PDE4B: variants seen among roughly 807,000 people sequenced by gnomAD.
PDE4B encodes the protein phosphodiesterase 4B.
Under a neutral mutation model 82.2 loss-of-function variants are expected in PDE4B, and 20 were observed. The observed-to-expected ratio is 0.24, with a 90% CI of 0.17 to 0.35. The LOEUF is 0.35. Among genes scored for constraint, PDE4B ranks in the 10% least tolerant of loss-of-function variants. PDE4B has a pLI of 1.00. For synonymous variants in PDE4B, 320 were observed against 318.9 expected, an observed-to-expected ratio of 1.00 and a Z score of -0.04; for missense variants, 655 against 907.2, an observed-to-expected ratio of 0.72 and a Z score of 3.57.
intron 3 of PDE4B, chr1:65,992,947 A>C (rs1651327667): frequency 6.2e-7 from 1 of 1,613,930 alleles, no homozygotes; most frequent in Non-Finnish European, 8.5e-7. Context: ...ACTGCTTCTG[A>C]ACCTGAGGTT....
At position 66,367,993 on chromosome 1, in the gene PDE4B, G is replaced by A. The variant is rs1230816170; in HGVS notation, c.1590G>A (p.Lys530=). 1 of 1,613,886 alleles carries A rather than the reference G, an allele frequency of 6.2e-7. No individual in the cohort carries two copies. The change falls in exon 15 of 17, where the codon AAG becomes AAA. Residue 530 remains lysine, a synonymous_variant. Transcript: ENST00000341517. The stretch of plus-strand genomic sequence containing the variant: ...ATATGAGCCTGCTGGCAGACCTGAA[G>A]ACAATGGTAGAAACGAAGAAAGTTA... ...SKHMSLLADL[K]TMVETKKVTS...
chr1:66,232,374 T>G (rs1652021132), intron 3 of PDE4B, among the ~76,000 whole-genome samples: 1 of 152,194 alleles, frequency 6.6e-6, no homozygotes, highest in Non-Finnish European at 1.5e-5. Flanking sequence ...TTAAAATGTT[T>G]TTTTGCCCTT....
At chr1:66,067,186 T>A (rs1364390566) in intron 3 of PDE4B, among the ~76,000 whole-genome samples, 2 of 152,102 alleles carry the variant, frequency 1.3e-5, no homozygotes, top group Non-Finnish European at 1.5e-5. Context: ...TGATTTATAA[T>A]CCTTTGGGTA....
intron 3 of PDE4B, among the ~76,000 whole-genome samples, chr1:65,927,186 AT>A (rs1225699088): frequency 6.6e-6 from 1 of 151,908 alleles, no homozygotes; most frequent in Non-Finnish European, 1.5e-5. Flanking sequence ...CAGAGGAGAA[AT>A]AAATGAAGAT....
At chr1:66,216,318 G>T (rs1407256919) in intron 3 of PDE4B, among the ~76,000 whole-genome samples, 1 of 151,754 alleles carries the variant, frequency 6.6e-6, no homozygotes, top group East Asian at 1.9e-4. Context: ...ATTTCCTGTT[G>T]GTTCTGTTTC....
At chr1:65,884,293 T>G (rs992058446) in intron 1 of PDE4B, among the ~76,000 whole-genome samples, 3 of 152,238 alleles carry the variant, frequency 2.0e-5, no homozygotes, top group Non-Finnish European at 4.4e-5. Flanking sequence ...GTCTTGGGCT[T>G]TTTTTGGTTG....
At chr1:65,926,575 G>A (rs1215486151) in intron 3 of PDE4B, among the ~76,000 whole-genome samples, 2 of 152,146 alleles carry the variant, frequency 1.3e-5, no homozygotes, top group Non-Finnish European at 2.9e-5. Flanking sequence ...CTTATTTTAT[G>A]TAGTAGATAT....
At chr1:66,262,131 T>A (rs1360557836) in intron 6 of PDE4B, among the ~76,000 whole-genome samples, 2 of 152,354 alleles carry the variant, frequency 1.3e-5, no homozygotes, top group East Asian at 1.9e-4. Context: ...ACCACTTAAT[T>A]TTTTTAGTGC....
intron 3 of PDE4B, among the ~76,000 whole-genome samples, chr1:66,220,812 A>G (rs1650922745): frequency 2.6e-5 from 4 of 152,108 alleles, no homozygotes; most frequent in Admixed American, 2.6e-4. Context: ...AGTCTCTTGA[A>G]CAAGAGAAGT....
chr1:66,089,152 C>G (rs1644959841), intron 3 of PDE4B, among the ~76,000 whole-genome samples: 1 of 152,064 alleles, frequency 6.6e-6, no homozygotes, highest in African/African-American at 2.4e-5. Flanking sequence ...AAAAGTTACA[C>G]AACTTCTTAA....
chr1:66,333,806 T>C (rs1161625784), intron 8 of PDE4B, among the ~76,000 whole-genome samples: 1 of 152,180 alleles, frequency 6.6e-6, no homozygotes, highest in Non-Finnish European at 1.5e-5. Context: ...CTTGGAACTC[T>C]TTGTTTATTG....
intron 2 of PDE4B, among the ~76,000 whole-genome samples, chr1:65,917,434 C>T (rs1647175551): frequency 6.6e-6 from 1 of 152,178 alleles, no homozygotes; most frequent in Non-Finnish European, 1.5e-5. Context: ...CCGTTATTCC[C>T]TGCTAGCTAA....
chr1:66,161,131 C>T (rs1479753193), intron 3 of PDE4B, among the ~76,000 whole-genome samples: 2 of 152,050 alleles, frequency 1.3e-5, no homozygotes, highest in East Asian at 3.8e-4. Context: ...TTGCTATAAG[C>T]ACCTTCCTTT....
At chr1:65,956,015 G>C (rs1649238648) in intron 3 of PDE4B, among the ~76,000 whole-genome samples, 1 of 152,094 alleles carries the variant, frequency 6.6e-6, no homozygotes, top group Non-Finnish European at 1.5e-5. Context: ...TTCATCTTTA[G>C]GTCCCAGATT....
At chr1:66,021,600 C>T (rs1456953984) in intron 3 of PDE4B, among the ~76,000 whole-genome samples, 1 of 152,106 alleles carries the variant, frequency 6.6e-6, no homozygotes, top group Non-Finnish European at 1.5e-5. Flanking sequence ...TTGTTTTTGT[C>T]AGGTTTGTCA....
At position 65,997,234 on chromosome 1, in the gene PDE4B, G is replaced by A. The variant is rs1326401584; in HGVS notation, c.281+78399G>A. Among the ~76,000 whole-genome samples, 12 of 140,786 alleles carry A rather than the reference G, an allele frequency of 8.5e-5. No homozygotes were observed. The South Asian group carries it at 2.2e-3, about 25-fold the overall frequency. 92.4% of individuals were successfully genotyped at this position (140,786 alleles called of 152,430 possible). ...TGTGAGGACTACCCTCTATCTCTCT[G>A]TCCATGCTTGCACACAGGAAACAAT... On this transcript the variant is annotated intron_variant, in intron 3 of 16. Coordinates refer to ENST00000341517, the MANE Select transcript of PDE4B (RefSeq NM_002600.4).
At chr1:66,164,460 C>T (rs1436263173) in intron 3 of PDE4B, among the ~76,000 whole-genome samples, 2 of 139,532 alleles carry the variant, frequency 1.4e-5, no homozygotes, top group East Asian at 2.3e-4. Flanking sequence ...TGCTTGAACC[C>T]GGGTGGCTGA....
chr1:65,989,477 C>A (rs946738865), intron 3 of PDE4B, among the ~76,000 whole-genome samples: 2 of 151,696 alleles, frequency 1.3e-5, no homozygotes, highest in Non-Finnish European at 2.9e-5. Flanking sequence ...GGTGACACAG[C>A]GAGACACTGT....
chr1:66,348,792 T>C (rs1661603050), intron 8 of PDE4B, among the ~76,000 whole-genome samples: 5 of 151,840 alleles, frequency 3.3e-5, no homozygotes, highest in African/African-American at 7.2e-5. Context: ...AGTTTATAAA[T>C]ATTATATATA....
Sources: gnomAD v4.1 joint callset for allele counts (sites outside exome capture counted in the v4.1 genomes callset) on GRCh38, gnomAD v4.1.1 for gene constraint, MANE v1.5 for transcripts, NCBI Gene and HGNC (gene_info 2026-07-23, HGNC 2026-07-21) for gene names.